JAZF1: variants seen among roughly 807,000 people sequenced by gnomAD.
JAZF1 encodes the protein juxtaposed with another zinc finger protein 1.
A neutral mutation model predicts 26.4 loss-of-function variants in JAZF1; 8 were observed. That is an observed-to-expected ratio of 0.30 (90% CI 0.18 to 0.55). The LOEUF (loss-of-function observed/expected upper bound fraction) is 0.55, where lower values mean the gene tolerates loss of function less well. Among genes scored for constraint, JAZF1 ranks in the 20% least tolerant of loss-of-function variants. The probability of loss-of-function intolerance (pLI) is 0.94; values close to 1 mark genes in which losing one functional copy is unlikely to be tolerated. For synonymous variants in JAZF1, 126 were observed against 122.3 expected (o/e 1.03, Z -0.20); for missense variants, 199 against 322.0 (o/e 0.62, Z 2.92).
chr7:27,892,241 T>C (rs213), intron 3 of JAZF1, among the ~76,000 whole-genome samples: 129,431 of 152,214 alleles, frequency 0.85, 55,743 homozygotes, highest in South Asian at 0.97. Flanking sequence ...GATGTTTACA[T>C]GGAATGTTCT....
At chr7:27,872,401 C>T (rs576020643) in intron 3 of JAZF1, among the ~76,000 whole-genome samples, 6 of 152,194 alleles carry the variant, frequency 3.9e-5, no homozygotes, top group South Asian at 2.1e-4. Flanking sequence ...AGACCCCTCC[C>T]GCCAAAGGCT....
chr7:27,849,795 G>A (rs530103103), intron 3 of JAZF1, among the ~76,000 whole-genome samples: 2 of 63,594 alleles, frequency 3.1e-5, no homozygotes, highest in South Asian at 4.4e-4. Flanking sequence ...CTTCCCGGCC[G>A]CCCACCTACA....
At chr7:28,053,233 T>C (rs1350047557) in intron 1 of JAZF1, among the ~76,000 whole-genome samples, 2 of 152,224 alleles carry the variant, frequency 1.3e-5, no homozygotes, top group Non-Finnish European at 2.9e-5. Context: ...GATGGATACT[T>C]GGGTTGCTTG....
chr7:28,147,256 A>G (rs988138547), intron 1 of JAZF1, among the ~76,000 whole-genome samples: 15 of 152,064 alleles, frequency 9.9e-5, no homozygotes, highest in African/African-American at 3.4e-4. Context: ...ATTTCCTTTG[A>G]GCATCCCATC....
chr7:27,949,588 C>T (rs1035450952), intron 2 of JAZF1, among the ~76,000 whole-genome samples: 1 of 152,068 alleles, frequency 6.6e-6, no homozygotes, highest in African/African-American at 2.4e-5. Context: ...CATGGTGAAA[C>T]CCTGTCTCTA....
intron 1 of JAZF1, among the ~76,000 whole-genome samples, chr7:28,040,218 T>A (rs990212141): frequency 2.0e-5 from 3 of 152,116 alleles, no homozygotes; most frequent in Admixed American, 6.6e-5. Flanking sequence ...ATAAAAAAAA[T>A]CTAAAGCCAG....
intron 2 of JAZF1, among the ~76,000 whole-genome samples, chr7:27,913,691 C>T (rs762972724): frequency 6.6e-6 from 1 of 152,212 alleles, no homozygotes; most frequent in Admixed American, 6.5e-5. Flanking sequence ...GCAGATGCCT[C>T]ATTTCTCTTG....
intron 1 of JAZF1, among the ~76,000 whole-genome samples, chr7:28,012,743 G>T (rs1782818843): frequency 6.6e-6 from 1 of 152,204 alleles, no homozygotes; most frequent in South Asian, 2.1e-4. Context: ...ACTACTGAGG[G>T]TTGAGATGTG....
At chr7:27,964,570 A>G (rs1785240493) in intron 2 of JAZF1, among the ~76,000 whole-genome samples, 1 of 152,032 alleles carries the variant, frequency 6.6e-6, no homozygotes, top group African/African-American at 2.4e-5. Flanking sequence ...TACAATATAA[A>G]TGATCCACCC....
At chr7:27,874,425 G>T (rs1035627377) in intron 3 of JAZF1, among the ~76,000 whole-genome samples, 1 of 152,128 alleles carries the variant, frequency 6.6e-6, no homozygotes, top group African/African-American at 2.4e-5. Flanking sequence ...AGTGCAGAGG[G>T]AGCTGTCATG....
intron 2 of JAZF1, among the ~76,000 whole-genome samples, chr7:27,950,552 A>C (rs1373545923): frequency 6.6e-6 from 1 of 152,198 alleles, no homozygotes; most frequent in Admixed American, 6.5e-5. Context: ...TTTACCAAAA[A>C]CCAGGATTTT....
intron 1 of JAZF1, among the ~76,000 whole-genome samples, chr7:28,171,245 T>C (rs112754320): frequency 3.9e-5 from 6 of 152,238 alleles, no homozygotes; most frequent in African/African-American, 1.4e-4. Context: ...CTCTTTCAGA[T>C]TCCCTTAATA....
chr7:27,917,135 A>G (rs1319531541), intron 2 of JAZF1, among the ~76,000 whole-genome samples: 1 of 152,200 alleles, frequency 6.6e-6, no homozygotes, highest in Non-Finnish European at 1.5e-5. Context: ...TCACCCATGT[A>G]TTATATTTGC....
At chr7:27,962,398 T>C (rs1423334999) in intron 2 of JAZF1, among the ~76,000 whole-genome samples, 3 of 152,216 alleles carry the variant, frequency 2.0e-5, no homozygotes, top group African/African-American at 7.2e-5. Flanking sequence ...TATGCATCAC[T>C]TATGAAAAGT....
intron 1 of JAZF1, among the ~76,000 whole-genome samples, chr7:28,014,980 C>T (rs1039016135): frequency 1.3e-5 from 2 of 151,758 alleles, no homozygotes; most frequent in African/African-American, 4.8e-5. Flanking sequence ...CAGGATCCTG[C>T]CAAATTCTCA....
At chr7:27,903,015 TAAAAAAAA>T (rs60212939) in intron 2 of JAZF1, among the ~76,000 whole-genome samples, 1 of 98,952 alleles carries the variant, frequency 1.0e-5, no homozygotes, top group African/African-American at 3.8e-5. Flanking sequence ...GACTCCGTCT[TAAAAAAAA>T]AAAAAAAAAA....
At chr7:27,893,231 C>T (rs932400637) in intron 3 of JAZF1, among the ~76,000 whole-genome samples, 2 of 152,220 alleles carry the variant, frequency 1.3e-5, no homozygotes, top group Non-Finnish European at 2.9e-5. Flanking sequence ...ACTAGGAAAT[C>T]CCTTTTCCCC....
At chr7:27,892,162 T>C (rs548801535) in intron 3 of JAZF1, among the ~76,000 whole-genome samples, 3 of 152,264 alleles carry the variant, frequency 2.0e-5, no homozygotes, top group East Asian at 1.9e-4. Context: ...ATTCCAAACA[T>C]TGAAAAATGT....
At chr7:27,999,900 C>T (rs936123873) in intron 1 of JAZF1, among the ~76,000 whole-genome samples, 4 of 152,096 alleles carry the variant, frequency 2.6e-5, no homozygotes, top group African/African-American at 9.7e-5. Flanking sequence ...AAAATACATC[C>T]CACCAAGCAC....
Sources: gnomAD v4.1 joint callset for allele counts (sites outside exome capture counted in the v4.1 genomes callset) on GRCh38, gnomAD v4.1.1 for gene constraint, MANE v1.5 for transcripts, NCBI Gene and HGNC (gene_info 2026-07-23, HGNC 2026-07-21) for gene names.